COL9A1: variants seen among roughly 807,000 people sequenced by gnomAD.
The protein encoded by COL9A1 is collagen alpha-1(IX) chain.
COL9A1 carries 104 observed loss-of-function variants against 142.6 expected under a neutral mutation model. That is an observed-to-expected ratio of 0.73 (90% CI 0.62 to 0.86). COL9A1 has a LOEUF of 0.86. COL9A1 is among the 40% of genes least tolerant of loss of function. COL9A1 has a pLI of 0.00. For synonymous variants in COL9A1, 466 were observed against 396.0 expected (o/e 1.18, Z -2.10); for missense variants, 1,210 against 1,176.6 (o/e 1.03, Z -0.42).
At chr6:70,235,278 C>A (rs981219860) in intron 33 of COL9A1, among the ~76,000 whole-genome samples, 6 of 152,028 alleles carry the variant, frequency 3.9e-5, no homozygotes, top group African/African-American at 9.7e-5. Context: ...TATGGTGAAA[C>A]CCTGTCTCTA....
At chr6:70,283,003 C>G (rs1284342908) in intron 6 of COL9A1, 85 bp from the exon 7 acceptor site, 7 of 1,613,392 alleles carry the variant, frequency 4.3e-6, no homozygotes, top group Non-Finnish European at 5.9e-6. Flanking sequence ...CAAGCAGAGC[C>G]CCAACAGCAG....
chr6:70,270,042 A>G (rs1313085304), intron 15 of COL9A1, among the ~76,000 whole-genome samples: 1 of 152,242 alleles, frequency 6.6e-6, no homozygotes, highest in Non-Finnish European at 1.5e-5. Flanking sequence ...TTATATATCT[A>G]AGTTTTGAGC....
At chr6:70,268,931 G>A in intron 16 of COL9A1, 71 bp from the exon 17 acceptor site, 2 of 1,342,426 alleles carry the variant, frequency 1.5e-6, no homozygotes, top group South Asian at 1.2e-5. Flanking sequence ...CCCGCTTTGT[G>A]ACAGTATCTT....
chr6:70,262,376 T>C (rs926872538), intron 19 of COL9A1, among the ~76,000 whole-genome samples: 11 of 152,176 alleles, frequency 7.2e-5, no homozygotes, highest in African/African-American at 2.7e-4. Context: ...TCCTTTAACT[T>C]AATTTCCCTT....
At chr6:70,281,305 A>C in intron 8 of COL9A1, 85 bp downstream of exon 8, 1 of 1,394,462 alleles carries the variant, frequency 7.2e-7, no homozygotes, top group Non-Finnish European at 9.9e-7. Context: ...TCTCTGAAAA[A>C]AAAAAAAACC....
In COL9A1 at chr6:70,232,697, G is replaced by T; in HGVS notation, c.2389C>A (p.Pro797Thr). The T allele has an allele frequency of 6.2e-7, 1 of 1,613,988 alleles. No individual in the cohort carries two copies. Among genetic ancestry groups the T allele is most frequent in the Non-Finnish European group, 8.5e-7 (1 of 1,180,004 alleles). The change falls in exon 36 of 38, where the codon CCT (proline) becomes ACT (threonine). Residue 797 changes from proline to threonine, a missense_variant. Physicochemically the swap from Pro to Thr is conservative, Grantham distance 38 (BLOSUM62 -1). Coordinates refer to ENST00000357250, the MANE Select transcript of COL9A1 (RefSeq NM_001851.6). ...GATGLPGRPG[P>T]PGPPGPPGEN... The stretch of plus-strand genomic sequence containing the variant: ...CCAGGAGGGCCGGGGGGACCAGGAG[G>T]GCCAGGCCTTCCAGGAAGCCCAGTG...
chr6:70,239,164 A>G, intron 33 of COL9A1, 90 bp downstream of exon 33: 1 of 908,448 alleles, frequency 1.1e-6, no homozygotes, highest in South Asian at 1.5e-5. Flanking sequence ...TGAATGTTAC[A>G]TAATGATTTC....
At chr6:70,254,153 G>T (rs760438873) in intron 25 of COL9A1, among the ~76,000 whole-genome samples, 2 of 151,966 alleles carry the variant, frequency 1.3e-5, no homozygotes, top group African/African-American at 4.8e-5. Flanking sequence ...CTTTAGAACC[G>T]GTTTAAAGTG....
chr6:70,291,394 C>T lies in COL9A1; in HGVS notation c.696+2773G>A, dbSNP rs532895505. The stretch of plus-strand genomic sequence containing the variant: ...CAAATCCCTTAGGAAACATCCCTGG[C>T]CCCCACTCTCATGCCTCCCTGCTCT... On this transcript the variant is annotated intron_variant, in intron 5 of 37. Coordinates refer to ENST00000357250, the MANE Select transcript of COL9A1 (RefSeq NM_001851.6). Among the ~76,000 whole-genome samples the T allele has an allele frequency of 9.6e-4, 146 of 152,178 alleles. 1 individual carries two copies. In the Middle Eastern group the frequency reaches 0.024, roughly 25 times the overall value.
intron 10 of COL9A1, among the ~76,000 whole-genome samples, chr6:70,277,508 A>C (rs1203661131): frequency 6.6e-6 from 1 of 152,226 alleles, no homozygotes; most frequent in Non-Finnish European, 1.5e-5. Flanking sequence ...AGCAGAAAAA[A>C]GTGCCTTCAT....
rs773938837 is a variant in COL9A1 at position 70,216,974 on chromosome 6, G to A, written c.2689C>T (p.Leu897Phe). ...GVPGPPGPPG[L>F]PGFCEPASCT... ...GAGGCTGGCTCACAGAAACCGGGAA[G>A]CCCAGGAGGTCCCGGGGGTCCAGGC... Residue 897 changes from leucine (L) to phenylalanine (F), a missense_variant, in exon 38 of 38, where the codon CTT becomes TTT. Transcript: ENST00000357250. 4 of 1,613,998 alleles carry A rather than the reference G, an allele frequency of 2.5e-6. No homozygotes were observed. The highest frequency in any genetic ancestry group is 1.3e-5 in the African/African-American group (1 of 74,916).
At chr6:70,282,989 C>A in intron 6 of COL9A1, 71 bp from the exon 7 acceptor site, 1 of 1,613,852 alleles carries the variant, frequency 6.2e-7, no homozygotes, top group Non-Finnish European at 8.5e-7. Flanking sequence ...ACTTGAGCCG[C>A]GCACAAGCAG....
intron 2 of COL9A1, 62 bp downstream of exon 2, chr6:70,301,939 G>A: frequency 7.4e-7 from 1 of 1,354,230 alleles, no homozygotes; most frequent in South Asian, 1.2e-5. Flanking sequence ...GTCAGCCACA[G>A]CCCTGCCTGA....
intron 36 of COL9A1, among the ~76,000 whole-genome samples, chr6:70,232,207 G>A (rs1021837038): frequency 1.3e-5 from 2 of 152,178 alleles, no homozygotes; most frequent in African/African-American, 4.8e-5. Context: ...TGGTTGCCAT[G>A]TTAGAGGAAC....
At chr6:70,235,177 G>C (rs1327166559) in intron 33 of COL9A1, among the ~76,000 whole-genome samples, 3 of 152,158 alleles carry the variant, frequency 2.0e-5, no homozygotes, top group Admixed American at 2.0e-4. Context: ...CTTTTGGCTG[G>C]GTGTGGTGGC....
chr6:70,260,766 A>T, intron 19 of COL9A1, 56 bp from the exon 20 acceptor site: 1 of 1,565,506 alleles, frequency 6.4e-7, no homozygotes, highest in South Asian at 1.1e-5. Context: ...GATTTTTAAA[A>T]ATCTCATCAC....
chr6:70,252,367 C>T (rs763202049), intron 26 of COL9A1, 52 bp from the exon 27 acceptor site: 1 of 1,512,140 alleles, frequency 6.6e-7, no homozygotes, highest in Non-Finnish European at 9.2e-7. Flanking sequence ...TAAGCATAAT[C>T]ATCAATCTGC....
chr6:70,240,212 G>C (rs1258618969), intron 32 of COL9A1, among the ~76,000 whole-genome samples: 2 of 152,208 alleles, frequency 1.3e-5, no homozygotes, highest in African/African-American at 4.8e-5. Flanking sequence ...TCTGGAGATG[G>C]AGGTCACTTT....
intron 10 of COL9A1, among the ~76,000 whole-genome samples, chr6:70,279,361 G>A (rs181776223): frequency 3.0e-4 from 46 of 151,712 alleles, no homozygotes; most frequent in African/African-American, 1.0e-3. Flanking sequence ...CTAAATATTA[G>A]TCCTTAGGTG....
Sources: gnomAD v4.1 joint callset for allele counts (sites outside exome capture counted in the v4.1 genomes callset) on GRCh38, gnomAD v4.1.1 for gene constraint, MANE v1.5 for transcripts, NCBI Gene and HGNC (gene_info 2026-07-23, HGNC 2026-07-21) for gene names.